Variants in PDCD2L observed in about 807,000 individuals in gnomAD.
PDCD2L encodes programmed cell death 2 like, also known as uS5 assembly chaperone PDCD2L.
Under a neutral mutation model 40.4 loss-of-function variants are expected in PDCD2L, and 44 were observed. The ratio of observed to expected loss-of-function variants is 1.09; its 90% CI spans 0.86 to 1.40. The LOEUF (loss-of-function observed/expected upper bound fraction) is 1.40, where lower values mean the gene tolerates loss of function less well. Ranked by LOEUF, PDCD2L falls within the 40% of genes most tolerant of loss-of-function variation. The pLI, the probability that PDCD2L is intolerant of heterozygous loss-of-function variation, is 0.00. For missense variants in PDCD2L, 470 were observed against 453.7 expected (o/e 1.04, Z -0.33); for synonymous variants, 194 against 174.6 (o/e 1.11, Z -0.88).
At chr19:34,418,782 G>T (rs2145469119) in intron 5 of PDCD2L, among the ~76,000 whole-genome samples, 1 of 152,228 alleles carries the variant, frequency 6.6e-6, no homozygotes, top group Non-Finnish European at 1.5e-5. Flanking sequence ...CTAATGCTTG[G>T]GATGTTCAGT....
rs184407174 is a variant in PDCD2L at position 34,424,921 on chromosome 19, T to G, written c.947-1069T>G. Among the ~76,000 whole-genome samples, 21 of 152,048 alleles carry G rather than the reference T, an allele frequency of 1.4e-4. No homozygotes were observed. The East Asian group carries it at 3.3e-3, about 24-fold the overall frequency. On this transcript the variant is annotated intron_variant, in intron 6 of 6. Transcript: ENST00000246535. ...CACCACGCCCAGCTAATTTTTTGTATTGTTAGTAGAGACGGGGTTTCACCA... is the reference window on the plus strand; with the variant it reads ...CACCACGCCCAGCTAATTTTTTGTAGTGTTAGTAGAGACGGGGTTTCACCA...
At position 34,421,662 on chromosome 19, in the gene PDCD2L, A is replaced by C. The variant is rs754844430; in HGVS notation, c.941A>C (p.Asn314Thr). ...PALVSMLKSA[N>T]LGLSVEFGTI... ...CTGGTCAGCATGCTCAAGAGTGCTA[A>C]TTTAGGTGAGAAGCCCTTTATTAAT... The change falls in exon 6 of 7, where the codon AAT becomes ACT. Residue 314 changes from asparagine (N) to threonine (T), a missense_variant. Transcript: ENST00000246535. The C allele has an allele frequency of 3.7e-6, 6 of 1,607,588 alleles. No individual in the cohort carries two copies. Among genetic ancestry groups the C allele is most frequent in the Non-Finnish European group, 5.1e-6 (6 of 1,176,924 alleles).
rs560429353 is a variant in PDCD2L at position 34,420,237 on chromosome 19, C to T, written c.798-1282C>T. 2.9e-4 allele frequency among the ~76,000 whole-genome samples: 44 copies of T among 151,754 alleles called. No individual in the cohort carries two copies. In the South Asian group the frequency reaches 7.9e-3, roughly 27 times the overall value. ...AACTCCTGTCCTCGAGTGATTCACC[C>T]GCCTCAGCCTCCCAAAGTGCTGAGA... is the stretch of plus-strand genomic sequence containing the variant. On this transcript the variant is annotated intron_variant, in intron 5 of 6. Transcript: ENST00000246535.
Position 34,413,788 on chromosome 19 carries a change from A to G in PDCD2L, c.738A>G (p.Gly246=), listed in dbSNP as rs1255440329. 1 of 1,608,812 alleles carries G rather than the reference A, an allele frequency of 6.2e-7. No individual in the cohort carries two copies. Residue 246 remains glycine, a synonymous_variant, in exon 5 of 7, where the codon GGA becomes GGG. Transcript: ENST00000246535. ...EKYEKTIIKS[G]DQTFYKFMKR... Reference sequence around the variant, plus strand: ...ATGAGAAGACCATAATTAAAAGTGGAGATCAGACGTTTTACAAATTCATGA... The same window carrying G: ...ATGAGAAGACCATAATTAAAAGTGGGGATCAGACGTTTTACAAATTCATGA...
rs149867767 is a variant in PDCD2L, at chr19:34,418,937, C to T, written c.798-2582C>T. On this transcript the variant is annotated intron_variant, in intron 5 of 6. Coordinates refer to ENST00000246535, the MANE Select transcript of PDCD2L (RefSeq NM_032346.2). ...ATATCATCTTGGATAATGTGTCATTCAAATCTCTCACCATATTGTTTGTGT... is the reference window on the plus strand; with the variant it reads ...ATATCATCTTGGATAATGTGTCATTTAAATCTCTCACCATATTGTTTGTGT... Among the ~76,000 whole-genome samples the T allele has an allele frequency of 2.0e-4, 31 of 152,262 alleles. 2 individuals are homozygous for T. In the East Asian group the frequency reaches 2.7e-3, roughly 13 times the overall value.
rs759494378 is a variant in PDCD2L, at chr19:34,404,709, G to T, written c.169G>T (p.Ala57Ser). 2 of 1,612,110 alleles carry T rather than the reference G, an allele frequency of 1.2e-6. No homozygotes were observed. Among genetic ancestry groups the T allele is most frequent in the East Asian group, 2.2e-5 (1 of 44,894 alleles). ...PVCQRCGQPL[A>S]LVVQVYCPLE... is the part of the protein sequence containing the mutation. ...GTGTCAGCGCTGCGGGCAGCCGCTC[G>T]CTCTGGTCGTGCAGGTGTATTGCCC... Residue 57 changes from alanine (A) to serine (S), a missense_variant, in exon 2 of 7, where the codon GCT (alanine) becomes TCT (serine). Coordinates refer to ENST00000246535, the MANE Select transcript of PDCD2L (RefSeq NM_032346.2).
In PDCD2L at chr19:34,404,985, G is replaced by T; in HGVS notation, c.331G>T (p.Ala111Ser). 6.2e-7 allele frequency: 1 copy of T among 1,614,114 alleles called. No homozygotes were observed. The highest frequency in any genetic ancestry group is 8.5e-7 in the Non-Finnish European group (1 of 1,180,012). Reference protein sequence around the residue: ...LQVPEREAQDAQKQGNSLAAE... With the variant: ...LQVPEREAQDSQKQGNSLAAE... ...GGTGCCAGAGAGAGAGGCGCAGGAC[G>T]CTCAGGTAAAGGTTGTGATTGGCAT... Residue 111 changes from alanine (A) to serine (S), a missense_variant, in exon 3 of 7, where the codon GCT (alanine) becomes TCT (serine). Physicochemically the swap from Ala to Ser is moderately conservative, Grantham distance 99 (BLOSUM62 1). Transcript: ENST00000246535.
rs74177146 is a variant in PDCD2L at position 34,411,963 on chromosome 19, C to CATATATATAT, written c.687-1762_687-1753dup. Among the ~76,000 whole-genome samples the CATATATATAT allele has an allele frequency of 8.4e-3, 1,161 of 137,608 alleles. 7 individuals are homozygous for CATATATATAT. The highest frequency in any genetic ancestry group is 0.013 in the African/African-American group (475 of 37,842). 90.3% of individuals were successfully genotyped at this position (137,608 alleles called of 152,430 possible). A position where few individuals can be genotyped will look rare whatever the true frequency, so the allele number is the denominator to read the frequency against. ...AGCCACCGCACCCAGATGAAAAATA[C>CATATATATAT]ATATATATATATATATATATAAAAT... On this transcript the variant is annotated intron_variant, in intron 4 of 6. Transcript: ENST00000246535.
chr19:34,408,623 T>C (rs1483742463), intron 3 of PDCD2L, among the ~76,000 whole-genome samples: 1 of 152,170 alleles, frequency 6.6e-6, no homozygotes, highest in Non-Finnish European at 1.5e-5. Context: ...CTATGCCACC[T>C]CTCCTGCTGT....
intron 3 of PDCD2L, among the ~76,000 whole-genome samples, chr19:34,407,851 G>C (rs2075084024): frequency 6.6e-6 from 1 of 152,138 alleles, no homozygotes; most frequent in African/African-American, 2.4e-5. Flanking sequence ...CAGGCAAGTT[G>C]GTAGCTGCAG....
chr19:34,425,103 C>T (rs1380044929), intron 6 of PDCD2L, among the ~76,000 whole-genome samples: 2 of 151,952 alleles, frequency 1.3e-5, no homozygotes, highest in Admixed American at 1.3e-4. Context: ...CAAATCATTG[C>T]CTACGTCATC....
intron 2 of PDCD2L, 35 bp from the exon 3 acceptor site, chr19:34,404,895 T>G (rs766010307): frequency 4.3e-6 from 7 of 1,609,548 alleles, no homozygotes; most frequent in Admixed American, 1.7e-5. Context: ...GGAGTCGGGG[T>G]GCAGCCCTCA....
At chr19:34,422,823 C>T (rs751734590) in intron 6 of PDCD2L, among the ~76,000 whole-genome samples, 9 of 151,960 alleles carry the variant, frequency 5.9e-5, no homozygotes, top group Non-Finnish European at 1.3e-4. Context: ...TCATGCCATT[C>T]TCCTGCCTCA....
chr19:34,424,854 C>G (rs1394173799), intron 6 of PDCD2L, among the ~76,000 whole-genome samples: 1 of 150,572 alleles, frequency 6.6e-6, no homozygotes, highest in Non-Finnish European at 1.5e-5. Flanking sequence ...AAGCAATTCT[C>G]CTGCCTCAGC....
Position 34,415,262 on chromosome 19 carries a change from C to T in PDCD2L, c.797+1415C>T, listed in dbSNP as rs111518493. ...GCCTCCCGAGTATCTAGGATTACAG[C>T]GCCACCACGCCTGACTACTTTTTGT... On this transcript the variant is annotated intron_variant, in intron 5 of 6. Transcript: ENST00000246535. 8.1e-3 allele frequency among the ~76,000 whole-genome samples: 1,225 copies of T among 152,002 alleles called. 8 individuals carry two copies. Among genetic ancestry groups the T allele is most frequent in the African/African-American group, 0.028 (1,143 of 41,432 alleles).
At chr19:34,413,264 T>A (rs1252062273) in intron 4 of PDCD2L, among the ~76,000 whole-genome samples, 1 of 150,928 alleles carries the variant, frequency 6.6e-6, no homozygotes, top group East Asian at 1.9e-4. Context: ...GGTTTCAAGC[T>A]CCTGACCTCA....
chr19:34,419,892 C>T (rs1404239455), intron 5 of PDCD2L, among the ~76,000 whole-genome samples: 1 of 146,086 alleles, frequency 6.8e-6, no homozygotes. Context: ...AAGTGATCCT[C>T]CTGCCACACT....
intron 5 of PDCD2L, among the ~76,000 whole-genome samples, chr19:34,419,019 A>ATT (rs1238812576): frequency 6.6e-6 from 1 of 151,910 alleles, no homozygotes; most frequent in African/African-American, 2.4e-5. Flanking sequence ...TTTCAATTTA[A>ATT]TTTTTTTTAG....
intron 5 of PDCD2L, among the ~76,000 whole-genome samples, chr19:34,414,882 T>C (rs2075120615): frequency 6.6e-6 from 1 of 152,088 alleles, no homozygotes; most frequent in African/African-American, 2.4e-5. Flanking sequence ...CATTGCTCAC[T>C]GTAACAACTA....
Sources: allele counts gnomAD v4.1 joint callset (sites outside exome capture counted in the v4.1 genomes callset), GRCh38; gene constraint gnomAD v4.1.1; transcripts MANE v1.5; gene names NCBI Gene and HGNC (gene_info 2026-07-23, HGNC 2026-07-21).